TTLL11: variants seen among roughly 807,000 people sequenced by gnomAD.
TTLL11 encodes the protein tubulin tyrosine ligase like 11, also known as tubulin polyglutamylase TTLL11.
TTLL11 carries 42 observed loss-of-function variants against 51.7 expected under a neutral mutation model. That is an observed-to-expected ratio of 0.81 (90% confidence interval 0.64 to 1.05). The LOEUF is 1.05. Among genes scored for constraint, TTLL11 ranks in the 50% least tolerant of loss-of-function variants. The probability of loss-of-function intolerance (pLI) is 0.00; values close to 1 mark genes in which losing one functional copy is unlikely to be tolerated. For synonymous variants in TTLL11, 381 were observed against 383.5 expected, an observed-to-expected ratio of 0.99 and a Z score of 0.08; for missense variants, 799 against 940.4, an observed-to-expected ratio of 0.85 and a Z score of 1.97.
At chr9:121,943,833 G>A (rs1349602358) in intron 6 of TTLL11, among the ~76,000 whole-genome samples, 1 of 152,174 alleles carries the variant, frequency 6.6e-6, no homozygotes, top group East Asian at 1.9e-4. Context: ...GACCATGTAG[G>A]TTAGCCTTAC....
chr9:121,919,782 G>A (rs1240750539), intron 6 of TTLL11, among the ~76,000 whole-genome samples: 1 of 150,158 alleles, frequency 6.7e-6, no homozygotes, highest in Non-Finnish European at 1.5e-5. Context: ...GAGTCTGAGA[G>A]GGAAGGATCA....
At chr9:122,065,267 G>A (rs1845548883) in intron 1 of TTLL11, among the ~76,000 whole-genome samples, 1 of 152,126 alleles carries the variant, frequency 6.6e-6, no homozygotes, top group South Asian at 2.1e-4. Flanking sequence ...TAAGAACTGG[G>A]TAGAGTTCCT....
At chr9:121,835,315 G>A (rs7021764) in intron 8 of TTLL11, among the ~76,000 whole-genome samples, 2,821 of 152,270 alleles carry the variant, frequency 0.019, 66 homozygotes, top group African/African-American at 0.062. Context: ...TGAGCTCAGG[G>A]AGACCCAAGC....
At chr9:121,959,284 G>A (rs776172327) in intron 6 of TTLL11, among the ~76,000 whole-genome samples, 2 of 152,156 alleles carry the variant, frequency 1.3e-5, no homozygotes, top group East Asian at 1.9e-4. Context: ...TGTCTAATCC[G>A]CACATGGGGA....
intron 3 of TTLL11, among the ~76,000 whole-genome samples, chr9:121,990,982 G>A (rs1457880794): frequency 1.3e-5 from 2 of 152,172 alleles, no homozygotes; most frequent in African/African-American, 2.4e-5. Flanking sequence ...TGGCAGGAGA[G>A]GAGGTTTTCA....
At position 121,959,796 on chromosome 9, in the gene TTLL11, A is replaced by C. The variant is rs1564327194; in HGVS notation, c.1481+14213T>G. On this transcript the variant is annotated intron_variant, in intron 6 of 8. Coordinates refer to ENST00000321582, the MANE Select transcript of TTLL11 (RefSeq NM_001139442.2). ...CTGTTGCTTTTAGGAGGAAAAGCCA[A>C]ATGCTTGACTTGACTCATTAATTAG... Among the ~76,000 whole-genome samples, 4 of 151,954 alleles carry C rather than the reference A, an allele frequency of 2.6e-5. No homozygotes were observed. In the South Asian group the frequency reaches 6.2e-4, roughly 24 times the overall value.
chr9:121,909,197 G>C (rs1840032999), intron 6 of TTLL11, among the ~76,000 whole-genome samples: 1 of 152,082 alleles, frequency 6.6e-6, no homozygotes, highest in Admixed American at 6.5e-5. Context: ...GGAGCCAAAA[G>C]CCTGAGGGTT....
intron 6 of TTLL11, among the ~76,000 whole-genome samples, chr9:121,908,667 G>A (rs571523281): frequency 8.5e-5 from 13 of 152,346 alleles, no homozygotes; most frequent in African/African-American, 2.9e-4. Context: ...AGTCACTGGA[G>A]CATCTATTAT....
chr9:122,092,197 A>C (rs548884739), intron 1 of TTLL11, among the ~76,000 whole-genome samples: 1 of 152,230 alleles, frequency 6.6e-6, no homozygotes, highest in South Asian at 2.1e-4. Context: ...GAGGTGAAGC[A>C]ACTTACTCAA....
chr9:121,999,388 A>C (rs1263871764), intron 3 of TTLL11, among the ~76,000 whole-genome samples: 1 of 152,082 alleles, frequency 6.6e-6, no homozygotes, highest in Non-Finnish European at 1.5e-5. Flanking sequence ...CTTTTCTCTC[A>C]AATCTACCCC....
chr9:121,838,756 G>GCA, intron 8 of TTLL11, among the ~76,000 whole-genome samples: 1 of 150,494 alleles, frequency 6.6e-6, no homozygotes, highest in Non-Finnish European at 1.5e-5. Context: ...GAGAAAGAAA[G>GCA]AGAGAAAGCA....
At chr9:121,874,224 A>C (rs905973766) in intron 6 of TTLL11, among the ~76,000 whole-genome samples, 1 of 152,006 alleles carries the variant, frequency 6.6e-6, no homozygotes, top group African/African-American at 2.4e-5. Context: ...GCTAGTCTTG[A>C]ACTCAAGCGA....
At chr9:122,059,286 TC>T (rs1845378342) in intron 1 of TTLL11, among the ~76,000 whole-genome samples, 1 of 152,160 alleles carries the variant, frequency 6.6e-6, no homozygotes, top group Non-Finnish European at 1.5e-5. Flanking sequence ...TAAAATAAAA[TC>T]ACTATTGCCA....
rs1251548079 is a variant in TTLL11 at position 122,031,804 on chromosome 9, C to A, written c.612G>T (p.Met204Ile). ...TGTACTCCTCAGGAAAGAGATTCTGCATGGTTCTCACTGCTCTGCTCAGAG... is the reference window on the plus strand; with the variant it reads ...TGTACTCCTCAGGAAAGAGATTCTGAATGGTTCTCACTGCTCTGCTCAGAG... ...KITLSRAVRT[M>I]QNLFPEEYNF... is the part of the protein sequence containing the mutation. Residue 204 changes from methionine (M) to isoleucine (I), a missense_variant, in exon 3 of 9, where the codon ATG (methionine) becomes ATT (isoleucine). Around this residue, in one of 3 missense-constraint regions of TTLL11, gnomAD observed 468 missense variants for 612.8 expected, o/e 0.76. Coordinates refer to ENST00000321582, the MANE Select transcript of TTLL11 (RefSeq NM_001139442.2). 1.2e-6 allele frequency: 2 copies of A among 1,614,114 alleles called. No individual in the cohort carries two copies. The highest frequency in any genetic ancestry group is 1.7e-5 in the Admixed American group (1 of 60,020).
At position 121,902,627 on chromosome 9, in the gene TTLL11, C is replaced by T. The variant is rs772831657; in HGVS notation, c.1482-31879G>A. Among the ~76,000 whole-genome samples, 10 of 150,118 alleles carry T rather than the reference C, an allele frequency of 6.7e-5. No homozygotes were observed. The South Asian group carries it at 1.8e-3, about 27-fold the overall frequency. ...TTAAAGGTCCTTAATGGGATGTTGA[C>T]GGGTTTATCTCACTCTCCTTTTTCG... On this transcript the variant is annotated intron_variant, in intron 6 of 8. Transcript: ENST00000321582.
chr9:122,058,539 C>T (rs892060658), intron 1 of TTLL11, among the ~76,000 whole-genome samples: 6 of 152,174 alleles, frequency 3.9e-5, no homozygotes, highest in Admixed American at 2.0e-4. Context: ...GGCCAGCTCC[C>T]GGATGCAAGA....
At chr9:122,026,341 G>C (rs780088224) in intron 3 of TTLL11, among the ~76,000 whole-genome samples, 1 of 151,860 alleles carries the variant, frequency 6.6e-6, no homozygotes, top group East Asian at 1.9e-4. Context: ...AGGAGGCTGA[G>C]GCAGGAGAAT....
chr9:121,982,567 T>A (rs558993372), intron 4 of TTLL11, among the ~76,000 whole-genome samples: 14 of 151,940 alleles, frequency 9.2e-5, no homozygotes, highest in African/African-American at 2.7e-4. Flanking sequence ...AAATATTTTT[T>A]AAAAATTCTC....
In TTLL11 at chr9:122,055,203, G is replaced by GGATAGATAGATAGATAGATA. The variant is rs1222958113; in HGVS notation, c.463-15855_463-15836dup. Among the ~76,000 whole-genome samples, 615 of 144,764 alleles carry GGATAGATAGATAGATAGATA rather than the reference G, an allele frequency of 4.2e-3. 1 individual carries two copies. Among genetic ancestry groups the GGATAGATAGATAGATAGATA allele is most frequent in the Middle Eastern group, 6.8e-3 (2 of 292 alleles). The allele number at this position is 144,764 out of a possible 152,430, so 95.0% of individuals were successfully genotyped here. A position where few individuals can be genotyped will look rare whatever the true frequency, so the allele number is the denominator to read the frequency against. On this transcript the variant is annotated intron_variant, in intron 1 of 8. Coordinates refer to ENST00000321582, the MANE Select transcript of TTLL11 (RefSeq NM_001139442.2). ...GTTCTCTAGAAAGACAGGACTAATA[G>GGATAGATAGATAGATAGATA]GATAGATAGATAGATAGATAGATAG...
Sources: allele counts gnomAD v4.1 joint callset (sites outside exome capture counted in the v4.1 genomes callset), GRCh38; gene constraint gnomAD v4.1.1; regional missense constraint gnomAD v4.1.1; transcripts MANE v1.5; gene names NCBI Gene and HGNC (gene_info 2026-07-23, HGNC 2026-07-21).